EPHA8: variants seen among roughly 807,000 people sequenced by gnomAD.
The protein encoded by EPHA8 is ephrin type-A receptor 8.
A neutral mutation model predicts 103.6 loss-of-function variants in EPHA8; 58 were observed. The ratio of observed to expected loss-of-function variants is 0.56; its 90% CI spans 0.45 to 0.70. The LOEUF (loss-of-function observed/expected upper bound fraction) is 0.70, where lower values mean the gene tolerates loss of function less well. Ranked by LOEUF, EPHA8 falls within the 30% of genes least tolerant of loss-of-function variation. EPHA8 has a pLI of 0.00. For synonymous variants in EPHA8, 559 were observed against 572.5 expected (o/e 0.98, Z 0.34); for missense variants, 1,304 against 1,395.2 (o/e 0.93, Z 1.04).
chr1:22,569,717 C>T lies in EPHA8; in HGVS notation c.159+364C>T, dbSNP rs1640469066. On this transcript the variant is annotated intron_variant, in intron 2 of 16. Transcript: ENST00000166244. This position sits in a 1 kb window ranked among gnomAD's most constrained non-coding sequence, Gnocchi z 4.5. ...TCCCTCCCAGCTGCCCTGGCCTCAC[C>T]AGTCCTCCGACCTCTGGAGTCTCTG... is the stretch of plus-strand genomic sequence containing the variant. Among the ~76,000 whole-genome samples the T allele has an allele frequency of 6.6e-6, 1 of 152,116 alleles. No individual in the cohort carries two copies. Among genetic ancestry groups the T allele is most frequent in the African/African-American group, 2.4e-5 (1 of 41,416 alleles).
Position 22,576,507 on chromosome 1 carries a change from C to G in EPHA8, c.450C>G (p.Ala150=). ...TCCTCAAAATCGACACCATTGCGGC[C>G]GACGAGAGCTTCACAGGTGCCGACC... ...SQFLKIDTIA[A]DESFTGADLG... The change falls in exon 3 of 17, where the codon GCC becomes GCG. Residue 150 remains alanine, a synonymous_variant. Transcript: ENST00000166244. This position sits in a 1 kb window ranked among gnomAD's most constrained non-coding sequence, Gnocchi z 4.8. 6.2e-7 allele frequency: 1 copy of G among 1,614,150 alleles called. No homozygotes were observed. Among genetic ancestry groups the G allele is most frequent in the Non-Finnish European group, 8.5e-7 (1 of 1,180,028 alleles).
intron 3 of EPHA8, among the ~76,000 whole-genome samples, chr1:22,578,199 CGTGCGAGTGTGTGCGT>C (rs1307663256): frequency 4.9e-5 from 2 of 40,970 alleles, no homozygotes; most frequent in Non-Finnish European, 1.1e-4. Flanking sequence ...CATGTGTGTG[CGTGCGAGTGTGTGCGT>C]GTGAGTGTGC....
intron 4 of EPHA8, 146 bp downstream of exon 4, chr1:22,586,781 G>A: frequency 2.2e-6 from 2 of 898,676 alleles, no homozygotes; most frequent in East Asian, 2.8e-5. Flanking sequence ...AGTCTGAGGT[G>A]GGGGGGGTGA....
chr1:22,574,297 C>G (rs1308179064), intron 2 of EPHA8, among the ~76,000 whole-genome samples: 1 of 152,188 alleles, frequency 6.6e-6, no homozygotes, highest in African/African-American at 2.4e-5. Context: ...TTCTTTCTTT[C>G]TTGTTTATTC....
rs1321068966 is a variant in EPHA8 at position 22,567,958 on chromosome 1, A to G, written c.95-1331A>G. Among the ~76,000 whole-genome samples, 1 of 152,224 alleles carries G rather than the reference A, an allele frequency of 6.6e-6. No homozygotes were observed. Among genetic ancestry groups the G allele is most frequent in the African/African-American group, 2.4e-5 (1 of 41,466 alleles). ...CCAGCTAGATCAAAAGGAAGCAAAGAGGTGAAGGGACTTAACCAAGGACAC... is the reference window on the plus strand; with the variant it reads ...CCAGCTAGATCAAAAGGAAGCAAAGGGGTGAAGGGACTTAACCAAGGACAC... On this transcript the variant is annotated intron_variant, in intron 1 of 16. Coordinates refer to ENST00000166244, the MANE Select transcript of EPHA8 (RefSeq NM_020526.5). The surrounding 1 kb of genome is among the most constrained non-coding windows in gnomAD (Gnocchi z 4.2).
chr1:22,573,653 C>A lies in EPHA8; in HGVS notation c.160-2564C>A, dbSNP rs72875418. Among the ~76,000 whole-genome samples, 1,004 of 152,288 alleles carry A rather than the reference C, an allele frequency of 6.6e-3. 10 individuals are homozygous for A. The highest frequency in any genetic ancestry group is 0.023 in the African/African-American group (955 of 41,556). On this transcript the variant is annotated intron_variant, in intron 2 of 16. Coordinates refer to ENST00000166244, the MANE Select transcript of EPHA8 (RefSeq NM_020526.5). The stretch of plus-strand genomic sequence containing the variant: ...CCAGGACAGGGGCCCAGAGACCAAC[C>A]CCTCCCTCTGCCCTCATCCTCCAGC...
In EPHA8 at chr1:22,576,321, G is replaced by C. The variant is rs1402471074; in HGVS notation, c.264G>C (p.Trp88Cys). Residue 88 changes from tryptophan (W) to cysteine (C), a missense_variant, in exon 3 of 17, where the codon TGG (tryptophan) becomes TGC (cysteine). Transcript: ENST00000166244. The surrounding 1 kb of genome is among the most constrained non-coding windows in gnomAD (Gnocchi z 4.8). ...AGAACAACTGGCTGCGCACGAGCTGGGTCCCCCGAGACGGCGCCCGGCGCG... is the reference window on the plus strand; with the variant it reads ...AGAACAACTGGCTGCGCACGAGCTGCGTCCCCCGAGACGGCGCCCGGCGCG... ...PNQNNWLRTS[W>C]VPRDGARRVY... The C allele has an allele frequency of 6.2e-7, 1 of 1,613,730 alleles. No individual in the cohort carries two copies. The highest frequency in any genetic ancestry group is 8.5e-7 in the Non-Finnish European group (1 of 1,180,026).
chr1:22,600,989 A>G lies in EPHA8; in HGVS notation c.2630A>G (p.Lys877Arg), dbSNP rs1195008074. Residue 877 changes from lysine (K) to arginine (R), a missense_variant, in exon 15 of 17, where the codon AAG (lysine) becomes AGG (arginine). Lys to Arg is a conservative substitution (Grantham distance 26). Transcript: ENST00000166244. Reference sequence around the variant, plus strand: ...CAGCTCATGCTCGACTGTTGGCACAAGGACCGGGCGCAGCGGCCTCGCTTC... The same window carrying G: ...CAGCTCATGCTCGACTGTTGGCACAGGGACCGGGCGCAGCGGCCTCGCTTC... ...LHQLMLDCWH[K>R]DRAQRPRFSQ... 1.2e-6 allele frequency: 2 copies of G among 1,612,906 alleles called. No individual in the cohort carries two copies. The highest frequency in any genetic ancestry group is 1.7e-6 in the Non-Finnish European group (2 of 1,179,876).
chr1:22,590,671 G>T (rs1185366094), intron 5 of EPHA8, among the ~76,000 whole-genome samples: 1 of 152,054 alleles, frequency 6.6e-6, no homozygotes, highest in Non-Finnish European at 1.5e-5. Context: ...GGGTCCCTGG[G>T]AATGTCCTGG....
At chr1:22,586,733 G>T in intron 4 of EPHA8, 98 bp downstream of exon 4, 5 of 1,486,982 alleles carry the variant, frequency 3.4e-6, no homozygotes, top group East Asian at 2.3e-5. Context: ...TTCTCTGCTG[G>T]TGGGGCAGGG....
Position 22,597,374 on chromosome 1 carries a change from T to C in EPHA8, c.1828T>C (p.Tyr610His). ...GGGAAAGCTCCCAGAGCCCCAGTTC[T>C]ATGCGGAACCCCACACCTACGAGGA... ...PPGKLPEPQFYAEPHTYEEPG... is the reference protein window; with the variant it reads ...PPGKLPEPQFHAEPHTYEEPG... The change falls in exon 10 of 17, where the codon TAT (tyrosine) becomes CAT (histidine). Residue 610 changes from tyrosine to histidine, a missense_variant. Transcript: ENST00000166244. The surrounding 1 kb of genome is among the most constrained non-coding windows in gnomAD (Gnocchi z 4.6). 2 of 1,613,386 alleles carry C rather than the reference T, an allele frequency of 1.2e-6. No individual in the cohort carries two copies. The highest frequency in any genetic ancestry group is 2.2e-5 in the South Asian group (2 of 91,070).
intron 5 of EPHA8, among the ~76,000 whole-genome samples, 186 bp from the exon 6 acceptor site, chr1:22,593,140 C>T (rs187295168): frequency 6.6e-6 from 1 of 152,334 alleles, no homozygotes; most frequent in Non-Finnish European, 1.5e-5. Context: ...AGGGGACTGA[C>T]CCCAAGTGGC....
chr1:22,596,499 C>G (rs1455319839), intron 9 of EPHA8, among the ~76,000 whole-genome samples: 1 of 152,130 alleles, frequency 6.6e-6, no homozygotes, highest in Non-Finnish European at 1.5e-5. Context: ...GTAGAGATCC[C>G]AGACAACAAG....
At chr1:22,579,219 ATGTATGCATG>A (rs1406435782) in intron 3 of EPHA8, among the ~76,000 whole-genome samples, 1 of 145,886 alleles carries the variant, frequency 6.9e-6, no homozygotes, top group African/African-American at 2.6e-5. Flanking sequence ...ATGTGTGTGT[ATGTATGCATG>A]TGTGTGCATG....
rs1481247681 is a variant in EPHA8, at chr1:22,593,623, G to A, written c.1540G>A (p.Ala514Thr). The A allele has an allele frequency of 1.9e-6, 3 of 1,609,242 alleles. No individual in the cohort carries two copies. Among genetic ancestry groups the A allele is most frequent in the South Asian group, 2.2e-5 (2 of 90,314 alleles). ...CACCCGCTACGTGTTCCAGGTCCGA[G>A]CCCGCACCTCAGCAGGCTGTGGCCG... ...PGTRYVFQVR[A>T]RTSAGCGRFS... The change falls in exon 7 of 17, where the codon GCC (alanine) becomes ACC (threonine). Residue 514 changes from alanine to threonine, a missense_variant. Ala to Thr is a moderately conservative substitution (Grantham distance 58, BLOSUM62 0). Coordinates refer to ENST00000166244, the MANE Select transcript of EPHA8 (RefSeq NM_020526.5).
intron 2 of EPHA8, among the ~76,000 whole-genome samples, chr1:22,573,075 C>G (rs544402281): frequency 2.3e-4 from 35 of 152,312 alleles, no homozygotes; most frequent in Admixed American, 2.1e-3. Context: ...ACTTTAACCC[C>G]AGATGTGACG....
In EPHA8 at chr1:22,576,637, A is replaced by G. The variant is rs758328561; in HGVS notation, c.580A>G (p.Ile194Val). The G allele has an allele frequency of 6.2e-7, 1 of 1,613,848 alleles. No homozygotes were observed. Among genetic ancestry groups the G allele is most frequent in the Admixed American group, 1.7e-5 (1 of 60,026 alleles). The change falls in exon 3 of 17, where the codon ATC becomes GTC. Residue 194 changes from isoleucine to valine, a missense_variant. Ile to Val is a conservative substitution (Grantham distance 29). Transcript: ENST00000166244. This position sits in a 1 kb window ranked among gnomAD's most constrained non-coding sequence, Gnocchi z 4.8. ...AFQDIGACLA[I>V]LSLRIYYKKC... is the part of the protein sequence containing the mutation. ...CCAGGACATAGGTGCCTGCCTGGCC[A>G]TCCTCTCTCTCCGCATCTACTATAA...
chr1:22,596,007 G>A (rs1641506489), intron 8 of EPHA8, 99 bp from the exon 9 acceptor site: 1 of 1,073,118 alleles, frequency 9.3e-7, no homozygotes, highest in African/African-American at 1.5e-5. Context: ...GTCAGGGGAA[G>A]GGGCATGAAG....
Position 22,589,473 on chromosome 1 carries a change from T to C in EPHA8, c.1315+267T>C. 6.8e-7 allele frequency: 1 copy of C among 1,474,688 alleles called. No homozygotes were observed. Among genetic ancestry groups the C allele is most frequent in the Non-Finnish European group, 8.9e-7 (1 of 1,121,148 alleles). The allele number at this position is 1,474,688 out of a possible 1,614,324, so 91.4% of individuals were successfully genotyped here. On this transcript the variant is annotated intron_variant, in intron 5 of 16. Coordinates refer to ENST00000166244, the MANE Select transcript of EPHA8 (RefSeq NM_020526.5). This position sits in a 1 kb window ranked among gnomAD's most constrained non-coding sequence, Gnocchi z 4.3. ...AAAGCCTAGGTTCCAGAACTTTCCC[T>C]CTCTGTGCCTCAGTTTCCTCCCTGG...
Sources: gnomAD v4.1 joint callset for allele counts (sites outside exome capture counted in the v4.1 genomes callset) on GRCh38, gnomAD v4.1.1 for gene constraint, Gnocchi (gnomAD v3.1) non-coding constraint, MANE v1.5 for transcripts, NCBI Gene and HGNC (gene_info 2026-07-23, HGNC 2026-07-21) for gene names.